LINGO2: variants seen among roughly 807,000 people sequenced by gnomAD.
The protein encoded by LINGO2 is leucine rich repeat and Ig domain containing 2, also known as leucine-rich repeat and immunoglobulin-like domain-containing nogo receptor-interacting protein 2.
In LINGO2, 14 loss-of-function variants were observed where a neutral mutation model predicts 30.6. That is an observed-to-expected ratio of 0.46 (90% CI 0.30 to 0.72). The LOEUF is 0.72. Among genes scored for constraint, LINGO2 ranks in the 30% least tolerant of loss-of-function variants. LINGO2 has a pLI of 0.07. For synonymous variants in LINGO2, 317 were observed against 288.5 expected, an observed-to-expected ratio of 1.10 and a Z score of -1.00; for missense variants, 729 against 751.7, an observed-to-expected ratio of 0.97 and a Z score of 0.35.
the LINGO2 span, among the ~76,000 whole-genome samples, chr9:28,818,591 G>C: frequency 6.6e-6 from 1 of 152,070 alleles, no homozygotes; most frequent in Non-Finnish European, 1.5e-5. Context: ...TCACCATCTT[G>C]GCCAGGTTGG....
chr9:28,849,613 G>A, the LINGO2 span, among the ~76,000 whole-genome samples: 1 of 151,948 alleles, frequency 6.6e-6, no homozygotes, highest in African/African-American at 2.4e-5. Flanking sequence ...ATTTCTCTGA[G>A]GCCAAATAGC....
intron 5 of LINGO2, among the ~76,000 whole-genome samples, chr9:27,951,223 C>G (rs1283707965): frequency 6.6e-6 from 1 of 152,192 alleles, no homozygotes; most frequent in African/African-American, 2.4e-5. Flanking sequence ...AACTTATATT[C>G]AGTGCAAGGT....
rs1587461780 is a variant in LINGO2, at chr9:28,320,518, G to C, written c.-245-25152C>G. On this transcript the variant is annotated intron_variant, in intron 3 of 5. Transcript: ENST00000379992. ...TTAGGCTCTGGAGAAATAGTTATAT[G>C]GCATTAGACTTACTTATGAATTGGT... Among the ~76,000 whole-genome samples, 6 of 152,226 alleles carry C rather than the reference G, an allele frequency of 3.9e-5. No homozygotes were observed. In the South Asian group the frequency reaches 1.0e-3, roughly 26 times the overall value.
chr9:28,945,206 T>A, the LINGO2 span, among the ~76,000 whole-genome samples: 2 of 152,190 alleles, frequency 1.3e-5, no homozygotes, highest in Non-Finnish European at 2.9e-5. Context: ...TCTATTTGTA[T>A]TAATCTGTAA....
chr9:28,358,154 C>T (rs7046599), intron 3 of LINGO2, among the ~76,000 whole-genome samples: 149,854 of 152,252 alleles, frequency 0.98, 73,782 homozygotes, highest in East Asian at 1. Context: ...TAAAACTTAT[C>T]GAGTTGTTAC....
At chr9:29,211,579 T>G in the LINGO2 span, among the ~76,000 whole-genome samples, 1 of 150,986 alleles carries the variant, frequency 6.6e-6, no homozygotes, top group Non-Finnish European at 1.5e-5. Context: ...TTCTCTTCTC[T>G]TCTCTCTCTC....
chr9:28,565,838 G>C (rs113634729), intron 1 of LINGO2, among the ~76,000 whole-genome samples: 1 of 152,186 alleles, frequency 6.6e-6, no homozygotes, highest in Non-Finnish European at 1.5e-5. Context: ...ACAGGCGTGA[G>C]CCACTGTGAC....
chr9:29,137,044 C>T, the LINGO2 span, among the ~76,000 whole-genome samples: 20 of 152,180 alleles, frequency 1.3e-4, no homozygotes, highest in South Asian at 4.1e-3. Context: ...TAAGCCCAGC[C>T]CCCCAAAAAA....
intron 4 of LINGO2, among the ~76,000 whole-genome samples, chr9:28,163,309 C>T (rs182893302): frequency 6.6e-6 from 1 of 152,168 alleles, no homozygotes; most frequent in Admixed American, 6.5e-5. Context: ...ATAGCCAAAA[C>T]TGAGGCAGAC....
At chr9:28,430,438 T>C (rs1454658646) in intron 2 of LINGO2, among the ~76,000 whole-genome samples, 1 of 152,188 alleles carries the variant, frequency 6.6e-6, no homozygotes, top group Non-Finnish European at 1.5e-5. Flanking sequence ...AAATACACCA[T>C]ACTGTTTCAC....
the LINGO2 span, among the ~76,000 whole-genome samples, chr9:28,795,123 C>T: frequency 6.6e-6 from 1 of 152,058 alleles, no homozygotes; most frequent in South Asian, 2.1e-4. Context: ...TGTGAGCCAC[C>T]ACGGCTGGCC....
chr9:28,233,778 T>C (rs1236685540), intron 4 of LINGO2, among the ~76,000 whole-genome samples: 1 of 151,970 alleles, frequency 6.6e-6, no homozygotes, highest in Non-Finnish European at 1.5e-5. Context: ...CCAGGTAGAG[T>C]TGTGAGGCCC....
At chr9:28,002,653 A>G (rs372302537) in intron 5 of LINGO2, among the ~76,000 whole-genome samples, 27 of 152,284 alleles carry the variant, frequency 1.8e-4, no homozygotes, top group African/African-American at 5.8e-4. Context: ...AACAAAGCCA[A>G]TGTATATGGA....
chr9:28,807,319 C>T, the LINGO2 span, among the ~76,000 whole-genome samples: 6 of 152,086 alleles, frequency 3.9e-5, no homozygotes, highest in South Asian at 2.1e-4. Flanking sequence ...CCACCATGCC[C>T]GGCCGTGAAA....
intron 1 of LINGO2, among the ~76,000 whole-genome samples, chr9:28,618,359 TTC>T (rs1408361932): frequency 6.6e-6 from 1 of 151,998 alleles, no homozygotes; most frequent in Non-Finnish European, 1.5e-5. Flanking sequence ...CCGAGTGTGT[TTC>T]TCTCTCTCTC....
chr9:28,511,794 T>A (rs1820396821), intron 1 of LINGO2, among the ~76,000 whole-genome samples: 1 of 152,188 alleles, frequency 6.6e-6, no homozygotes, highest in Non-Finnish European at 1.5e-5. Flanking sequence ...CTGGCCTCCA[T>A]GCAAAGTGCA....
At chr9:28,514,093 A>T (rs972193477) in intron 1 of LINGO2, among the ~76,000 whole-genome samples, 1 of 152,194 alleles carries the variant, frequency 6.6e-6, no homozygotes, top group Non-Finnish European at 1.5e-5. Context: ...TTGTTTTGAA[A>T]TGCTAGAAAT....
intron 1 of LINGO2, among the ~76,000 whole-genome samples, chr9:28,605,711 C>T (rs1202949370): frequency 7.9e-5 from 12 of 152,028 alleles, no homozygotes; most frequent in Admixed American, 7.9e-4. Flanking sequence ...ATGTCTCCAT[C>T]AGGACTGCTC....
At chr9:27,984,161 G>C (rs1450416195) in intron 5 of LINGO2, among the ~76,000 whole-genome samples, 5 of 151,856 alleles carry the variant, frequency 3.3e-5, no homozygotes, top group African/African-American at 4.8e-5. Flanking sequence ...AGGAATGCTA[G>C]CTTGAGTAGT....
Sources: allele counts gnomAD v4.1 joint callset (sites outside exome capture counted in the v4.1 genomes callset), GRCh38; gene constraint gnomAD v4.1.1; transcripts MANE v1.5; gene names NCBI Gene and HGNC (gene_info 2026-07-23, HGNC 2026-07-21).